The following SF3B3 variants were observed in gnomAD, a reference collection of about 807,000 sequenced individuals.
SF3B3 encodes the protein SAP 130.
In SF3B3, 33 loss-of-function variants were observed where a neutral mutation model predicts 139.2. The observed-to-expected ratio is 0.24, with a 90% CI of 0.18 to 0.32. The LOEUF (loss-of-function observed/expected upper bound fraction) is 0.32. Ranked by LOEUF, SF3B3 falls within the 10% of genes least tolerant of loss-of-function variation. The probability of loss-of-function intolerance (pLI) is 1.00; values close to 1 mark genes in which losing one functional copy is unlikely to be tolerated. For synonymous variants in SF3B3, 596 were observed against 563.6 expected (o/e 1.06, Z -0.81); for missense variants, 818 against 1,509.4 (o/e 0.54, Z 7.59).
chr16:70,560,080 C>T (rs2050415182), intron 15 of SF3B3, among the ~76,000 whole-genome samples: 1 of 152,100 alleles, frequency 6.6e-6, no homozygotes, highest in Admixed American at 6.5e-5. Context: ...TTGCCCCTGC[C>T]CCAAACTAGT....
chr16:70,572,756 T>C lies in SF3B3; in HGVS notation c.*943T>C, dbSNP rs917080167. 7 of 152,194 alleles carry C rather than the reference T, an allele frequency of 4.6e-5. No homozygotes were observed. Among genetic ancestry groups the C allele is most frequent in the Admixed American group, 3.9e-4 (6 of 15,266 alleles). The allele number at this position is 152,194 out of a possible 1,614,324, so 9.4% of individuals were successfully genotyped here. A position where few individuals can be genotyped will look rare whatever the true frequency, so the allele number is the denominator to read the frequency against. The stretch of plus-strand genomic sequence containing the variant: ...GAGAACTGTGTATATGTGGGGCCTG[T>C]CTGCAGCACCCATCTCAGGTGGGTT... On this transcript the variant is annotated 3_prime_UTR_variant, in exon 26 of 26. Coordinates refer to ENST00000302516, the MANE Select transcript of SF3B3 (RefSeq NM_012426.5).
At chr16:70,556,778 T>G in intron 14 of SF3B3, 108 bp from the exon 15 acceptor site, 1 of 1,267,222 alleles carries the variant, frequency 7.9e-7, no homozygotes, top group Non-Finnish European at 1.1e-6. Context: ...GGGTTTTTTC[T>G]GTGCATAAGG....
chr16:70,571,525 A>T, intron 25 of SF3B3, 148 bp from the exon 26 acceptor site: 1 of 820,280 alleles, frequency 1.2e-6, no homozygotes, highest in Non-Finnish European at 1.9e-6. Context: ...AGATTATCCC[A>T]CTGCACTGCA....
chr16:70,532,286 G>A (rs964131721), intron 4 of SF3B3, among the ~76,000 whole-genome samples, 193 bp from the exon 5 acceptor site: 3 of 125,102 alleles, frequency 2.4e-5, no homozygotes, highest in South Asian at 2.5e-4. Context: ...GCAAAACTCC[G>A]TCTCAAAAAA....
rs1048372731 is a variant in SF3B3 at position 70,554,555 on chromosome 16, G to A, written c.1512G>A (p.Pro504=). The change falls in exon 12 of 26, where the codon CCG becomes CCA. Residue 504 remains proline (P), a synonymous_variant. Transcript: ENST00000302516. ...ACTCTGGGTTCCTGGGGACCACCCC[G>A]ACCTTGTCCTGCTCCTTATTAGGAG... ...VTDSGFLGTT[P]TLSCSLLGDD... The A allele has an allele frequency of 8.7e-6, 14 of 1,614,036 alleles. No individual in the cohort carries two copies. In the Admixed American group the frequency reaches 1.0e-4, roughly 12 times the overall value.
Position 70,535,237 on chromosome 16 carries a change from A to T in SF3B3, c.713-71A>T, listed in dbSNP as rs143523192. Reference sequence around the variant, plus strand: ...CCATCATCAAGTTGTGCTGAAAGAGAGGAGGAGTTGAAAGCTGAAGAAATT... The same window carrying T: ...CCATCATCAAGTTGTGCTGAAAGAGTGGAGGAGTTGAAAGCTGAAGAAATT... On this transcript the variant is annotated intron_variant, in intron 5 of 25. Coordinates refer to ENST00000302516, the MANE Select transcript of SF3B3 (RefSeq NM_012426.5). 4.6e-3 allele frequency: 3,141 copies of T among 684,404 alleles called. 16 individuals carry two copies. Among genetic ancestry groups the T allele is most frequent in the Middle Eastern group, 5.8e-3 (23 of 3,960 alleles). 42.4% of individuals were successfully genotyped at this position (684,404 alleles called of 1,614,324 possible).
chr16:70,570,986 G>A (rs779963527), intron 24 of SF3B3, 109 bp from the exon 25 acceptor site: 38 of 763,984 alleles, frequency 5.0e-5, no homozygotes, highest in Middle Eastern at 4.6e-4. Flanking sequence ...GATATTTCCC[G>A]TGTGTTTGTG....
intron 10 of SF3B3, among the ~76,000 whole-genome samples, chr16:70,546,112 G>A (rs898451902): frequency 6.6e-6 from 1 of 152,164 alleles, no homozygotes; most frequent in Non-Finnish European, 1.5e-5. Context: ...GACTACAGGT[G>A]TGCGCCATCA....
chr16:70,528,654 G>A (rs769520105), intron 2 of SF3B3, among the ~76,000 whole-genome samples: 9 of 151,940 alleles, frequency 5.9e-5, no homozygotes, highest in Non-Finnish European at 1.3e-4. Flanking sequence ...GTTTTGCTCT[G>A]TTGCCCAGGC....
At chr16:70,526,419 GCTGGTCTCGAA>G (rs2050064718) in intron 1 of SF3B3, among the ~76,000 whole-genome samples, 157 bp from the exon 2 acceptor site, 1 of 152,118 alleles carries the variant, frequency 6.6e-6, no homozygotes, top group South Asian at 2.1e-4. Context: ...TGTTGCCCAA[GCTGGTCTCGAA>G]CTCCTGACCT....
At chr16:70,550,498 G>T in intron 11 of SF3B3, 1 of 187,040 alleles carries the variant, frequency 5.3e-6, no homozygotes, top group African/African-American at 2.4e-5. Flanking sequence ...GTCGGGTTCT[G>T]TTGGTTCACT....
intron 4 of SF3B3, among the ~76,000 whole-genome samples, chr16:70,531,430 CA>C (rs1432039897): frequency 6.6e-6 from 1 of 152,144 alleles, no homozygotes; most frequent in Non-Finnish European, 1.5e-5. Context: ...GGTGCTGCCA[CA>C]ACGCCCAGCT....
intron 8 of SF3B3, among the ~76,000 whole-genome samples, chr16:70,540,893 A>G (rs1219822958): frequency 1.3e-5 from 2 of 152,200 alleles, no homozygotes; most frequent in Non-Finnish European, 2.9e-5. Flanking sequence ...ATTGGGAACA[A>G]TGCTGTGGTA....
At position 70,571,771 on chromosome 16, in the gene SF3B3, G is replaced by T; in HGVS notation, c.3612G>T (p.Val1204=). ...AACTGGACCGAACCCCACCCGAAGTGTCCAAGAAACTCGAGGATATCCGGA... is the reference window on the plus strand; with the variant it reads ...AACTGGACCGAACCCCACCCGAAGTTTCCAAGAAACTCGAGGATATCCGGA... ...SEELDRTPPE[V]SKKLEDIRTR... Residue 1204 remains valine, a synonymous_variant, in exon 26 of 26, where the codon GTG becomes GTT. Transcript: ENST00000302516. 6.2e-7 allele frequency: 1 copy of T among 1,614,092 alleles called. No individual in the cohort carries two copies. The highest frequency in any genetic ancestry group is 8.5e-7 in the Non-Finnish European group (1 of 1,180,008).
chr16:70,539,251 A>G (rs1255911062), intron 8 of SF3B3, 44 bp downstream of exon 8: 2 of 1,439,556 alleles, frequency 1.4e-6, no homozygotes, highest in Non-Finnish European at 2.0e-6. Context: ...GGTTGGGATA[A>G]AAGTTGGCAG....
rs1017891445 is a variant in SF3B3, at chr16:70,537,294, G to A, written c.826-1029G>A. 9.8e-5 allele frequency among the ~76,000 whole-genome samples: 15 copies of A among 152,286 alleles called. No individual in the cohort carries two copies. The Middle Eastern group carries it at 0.01, about 104-fold the overall frequency. On this transcript the variant is annotated intron_variant, in intron 6 of 25. Coordinates refer to ENST00000302516, the MANE Select transcript of SF3B3 (RefSeq NM_012426.5). Reference sequence around the variant, plus strand: ...GACATTAAATTGGTCACTTTGTTAAGGTGGTGCCTGCCCATTGTCTTCATT... The same window carrying A: ...GACATTAAATTGGTCACTTTGTTAAAGTGGTGCCTGCCCATTGTCTTCATT...
In SF3B3 at chr16:70,575,273, A is replaced by T. The variant is rs1412256694; in HGVS notation, c.*3460A>T. 22 of 135,438 alleles carry T rather than the reference A, an allele frequency of 1.6e-4. No individual in the cohort carries two copies. The highest frequency in any genetic ancestry group is 5.7e-4 in the African/African-American group (20 of 35,388). 8.4% of individuals were successfully genotyped at this position (135,438 alleles called of 1,614,324 possible). Reference sequence around the variant, plus strand: ...GAGTACAGAGGCACAATCTCGGCTCACCACAGCCTCCGCCTCCTGGGTTCA... The same window carrying T: ...GAGTACAGAGGCACAATCTCGGCTCTCCACAGCCTCCGCCTCCTGGGTTCA... On this transcript the variant is annotated 3_prime_UTR_variant, in exon 26 of 26. Transcript: ENST00000302516.
At chr16:70,568,128 G>A (rs1340355385) in intron 21 of SF3B3, among the ~76,000 whole-genome samples, 155 bp from the exon 22 acceptor site, 1 of 152,078 alleles carries the variant, frequency 6.6e-6, no homozygotes, top group Admixed American at 6.5e-5. Context: ...AAGCTATTTG[G>A]CTCTTTTTTC....
intron 20 of SF3B3, 72 bp from the exon 21 acceptor site, chr16:70,567,339 T>C: frequency 6.6e-7 from 1 of 1,507,034 alleles, no homozygotes; most frequent in Non-Finnish European, 9.0e-7. Flanking sequence ...AGTAGGCATT[T>C]CTGGGCAGAG....
Sources: allele counts gnomAD v4.1 joint callset (sites outside exome capture counted in the v4.1 genomes callset), GRCh38; gene constraint gnomAD v4.1.1; transcripts MANE v1.5; gene names NCBI Gene and HGNC (gene_info 2026-07-23, HGNC 2026-07-21).